BAIAP2L1: variants seen among roughly 807,000 people sequenced by gnomAD.
The protein encoded by BAIAP2L1 is BAR/IMD domain containing adaptor protein 2 like 1, also known as BAR/IMD domain-containing adapter protein 2-like 1.
BAIAP2L1 carries 35 observed loss-of-function variants against 66.3 expected under a neutral mutation model. The observed-to-expected ratio is 0.53, with a 90% CI of 0.40 to 0.70. The LOEUF (loss-of-function observed/expected upper bound fraction) is 0.70. BAIAP2L1 is among the 30% of genes least tolerant of loss of function. The probability of loss-of-function intolerance (pLI) is 0.00; values close to 1 mark genes in which losing one functional copy is unlikely to be tolerated. For missense variants in BAIAP2L1, 622 were observed against 656.9 expected, an observed-to-expected ratio of 0.95 and a Z score of 0.58; for synonymous variants, 269 against 248.7, an observed-to-expected ratio of 1.08 and a Z score of -0.77.
chr7:98,373,532 T>A (rs956811407), intron 1 of BAIAP2L1, among the ~76,000 whole-genome samples: 3 of 152,172 alleles, frequency 2.0e-5, no homozygotes, highest in Admixed American at 6.6e-5. Context: ...CCTTGAATTC[T>A]TGGGCAAATC....
chr7:98,320,086 T>C lies in BAIAP2L1; in HGVS notation c.320A>G (p.Lys107Arg). 6.8e-6 allele frequency: 11 copies of C among 1,613,786 alleles called. No individual in the cohort carries two copies. The highest frequency in any genetic ancestry group is 1.1e-5 in the South Asian group (1 of 90,998). Residue 107 changes from lysine to arginine, a missense_variant, in exon 5 of 14, where the codon AAG becomes AGG. Coordinates refer to ENST00000005260, the MANE Select transcript of BAIAP2L1 (RefSeq NM_018842.5). ...CATATATTTCACGTCAAGTTCTATCTTCTTCTCCAGCTCATGGATAATCTC... is the reference window on the plus strand; with the variant it reads ...CATATATTTCACGTCAAGTTCTATCCTCTTCTCCAGCTCATGGATAATCTC... ...HKEIIHELEK[K>R]IELDVKYMNA...
chr7:98,316,111 A>G (rs777234216), intron 6 of BAIAP2L1, among the ~76,000 whole-genome samples: 4 of 152,148 alleles, frequency 2.6e-5, no homozygotes, highest in Admixed American at 6.6e-5. Flanking sequence ...GTGATAGTGA[A>G]TAAGTCTCAC....
chr7:98,375,350 G>A (rs1262526954), intron 1 of BAIAP2L1, among the ~76,000 whole-genome samples: 4 of 150,874 alleles, frequency 2.7e-5, no homozygotes, highest in East Asian at 2.0e-4. Flanking sequence ...GCCGACATCC[G>A]GCCACTGCAC....
chr7:98,329,345 C>T (rs180835954), intron 3 of BAIAP2L1, among the ~76,000 whole-genome samples: 1 of 152,310 alleles, frequency 6.6e-6, no homozygotes. Flanking sequence ...TGGGGCCATT[C>T]CTGGCAGAAA....
chr7:98,378,714 C>T (rs1802689049), intron 1 of BAIAP2L1, among the ~76,000 whole-genome samples: 1 of 152,174 alleles, frequency 6.6e-6, no homozygotes, highest in Non-Finnish European at 1.5e-5. Flanking sequence ...CGGCTCACTG[C>T]AACCTCTGCC....
At chr7:98,390,632 TGAGGCAGGAGAATGGCGTGAACCTGG>T (rs1036120105) in intron 1 of BAIAP2L1, among the ~76,000 whole-genome samples, 2 of 151,558 alleles carry the variant, frequency 1.3e-5, no homozygotes, top group African/African-American at 4.8e-5. Context: ...CTCAGGAGGC[TGAGGCAGGAGAATGGCGTGAACCTGG>T]GAGGCAGAGC....
chr7:98,292,936 C>T lies in BAIAP2L1; in HGVS notation c.*585G>A. ...AGGGCAGGCAAAGCGTCTTAGCACTCTACAGCTCTGGCGTGGTTGGAGGGA... is the reference window on the plus strand; with the variant it reads ...AGGGCAGGCAAAGCGTCTTAGCACTTTACAGCTCTGGCGTGGTTGGAGGGA... On this transcript the variant is annotated 3_prime_UTR_variant, in exon 14 of 14. Coordinates refer to ENST00000005260, the MANE Select transcript of BAIAP2L1 (RefSeq NM_018842.5). 7.6e-7 allele frequency: 1 copy of T among 1,319,324 alleles called. No homozygotes were observed. The highest frequency in any genetic ancestry group is 1.5e-5 in the African/African-American group (1 of 66,880). The allele number at this position is 1,319,324 out of a possible 1,614,324, so 81.7% of individuals were successfully genotyped here.
At chr7:98,326,195 T>G (rs1407516254) in intron 3 of BAIAP2L1, among the ~76,000 whole-genome samples, 1 of 152,148 alleles carries the variant, frequency 6.6e-6, no homozygotes. Flanking sequence ...GAGGATCACT[T>G]GAGCCCAGGA....
At chr7:98,304,871 T>C (rs1457806232) in intron 11 of BAIAP2L1, among the ~76,000 whole-genome samples, 1 of 150,880 alleles carries the variant, frequency 6.6e-6, no homozygotes, top group East Asian at 2.0e-4. Flanking sequence ...AGAAATTTTT[T>C]TTTTTTTTTT....
chr7:98,368,957 AC>A (rs1326583097), intron 1 of BAIAP2L1, among the ~76,000 whole-genome samples: 10 of 151,926 alleles, frequency 6.6e-5, no homozygotes, highest in Admixed American at 3.3e-4. Flanking sequence ...ATGTGAGCTT[AC>A]GTTTTCGTAT....
intron 6 of BAIAP2L1, among the ~76,000 whole-genome samples, chr7:98,316,920 G>C (rs1283031370): frequency 1.3e-5 from 2 of 151,452 alleles, no homozygotes; most frequent in Non-Finnish European, 2.9e-5. Context: ...CTGGAGTGCA[G>C]TGGCATAATC....
At chr7:98,306,652 A>C in intron 10 of BAIAP2L1, 136 bp from the exon 11 acceptor site, 1 of 1,293,452 alleles carries the variant, frequency 7.7e-7, no homozygotes, top group Non-Finnish European at 1.1e-6. Context: ...AAATGAAATT[A>C]AGGCTTTTAA....
chr7:98,304,158 G>A (rs1321311513), intron 12 of BAIAP2L1, 38 bp downstream of exon 12: 1 of 1,523,312 alleles, frequency 6.6e-7, no homozygotes, highest in Non-Finnish European at 8.8e-7. Flanking sequence ...GGGATGGCGA[G>A]TCCAGGACCC....
At chr7:98,360,912 T>C (rs1584485163) in intron 2 of BAIAP2L1, among the ~76,000 whole-genome samples, 1 of 152,262 alleles carries the variant, frequency 6.6e-6, no homozygotes, top group Admixed American at 6.5e-5. Context: ...AGCAGTATAC[T>C]TTTCCAGCGA....
At position 98,307,787 on chromosome 7, in the gene BAIAP2L1, G is replaced by T; in HGVS notation, c.1065C>A (p.Asn355Lys). 1 of 1,614,272 alleles carries T rather than the reference G, an allele frequency of 6.2e-7. No individual in the cohort carries two copies. Among genetic ancestry groups the T allele is most frequent in the Non-Finnish European group, 8.5e-7 (1 of 1,180,054 alleles). The part of the protein sequence containing the change: ...KTIFPHTAGS[N>K]KTLLSFAQGD... ...CCTGTGCAAAGCTGAGTAAGGTCTT[G>T]TTGGAGCCCGCAGTGTGCGGGAAGA... The change falls in exon 10 of 14, where the codon AAC becomes AAA. Residue 355 changes from asparagine (N) to lysine (K), a missense_variant. Physicochemically the swap from Asn to Lys is moderately conservative, Grantham distance 94. Transcript: ENST00000005260.
rs941602335 is a variant in BAIAP2L1, at chr7:98,295,791, C to T, written c.1423-1680G>A. On this transcript the variant is annotated intron_variant, in intron 12 of 13. Transcript: ENST00000005260. Reference sequence around the variant, plus strand: ...AGCACACCCCGGAGCTTGTTCAGAGCCTCCTGGGCCCCCACGGGACTTTAA... The same window carrying T: ...AGCACACCCCGGAGCTTGTTCAGAGTCTCCTGGGCCCCCACGGGACTTTAA... Among the ~76,000 whole-genome samples, 6 of 152,154 alleles carry T rather than the reference C, an allele frequency of 3.9e-5. 1 individual carries two copies. The highest frequency in any genetic ancestry group is 1.4e-4 in the African/African-American group (6 of 41,424).
rs1800047536 is a variant in BAIAP2L1, at chr7:98,293,324, T to C, written c.*197A>G. 3.7e-6 allele frequency: 2 copies of C among 536,710 alleles called. No homozygotes were observed. Among genetic ancestry groups the C allele is most frequent in the Admixed American group, 3.4e-5 (1 of 29,172 alleles). 33.2% of individuals were successfully genotyped at this position (536,710 alleles called of 1,614,324 possible). A position where few individuals can be genotyped will look rare whatever the true frequency, so the allele number is the denominator to read the frequency against. ...AATGGCTGAGCTGGTCATTAGACTA[T>C]TACTCATTTATCTTAAAGGCAGAAA... On this transcript the variant is annotated 3_prime_UTR_variant, in exon 14 of 14. Transcript: ENST00000005260.
chr7:98,394,240 C>CT (rs1221548827), intron 1 of BAIAP2L1, among the ~76,000 whole-genome samples: 2 of 38,564 alleles, frequency 5.2e-5, no homozygotes, highest in Non-Finnish European at 1.1e-4. Flanking sequence ...GACTCCGTCT[C>CT]AAAAACAAAC....
At chr7:98,339,844 G>A (rs1801699012) in intron 3 of BAIAP2L1, among the ~76,000 whole-genome samples, 1 of 152,196 alleles carries the variant, frequency 6.6e-6, no homozygotes, top group Non-Finnish European at 1.5e-5. Flanking sequence ...GTAAGAGGAT[G>A]TAAGTAGCGC....
Sources: allele counts gnomAD v4.1 joint callset (sites outside exome capture counted in the v4.1 genomes callset), GRCh38; gene constraint gnomAD v4.1.1; transcripts MANE v1.5; gene names NCBI Gene and HGNC (gene_info 2026-07-23, HGNC 2026-07-21).